The following APBA2 variants were observed in gnomAD, a reference collection of about 807,000 sequenced individuals.
APBA2 encodes amyloid-beta A4 precursor protein-binding family A member 2.
In APBA2, 30 loss-of-function variants were observed where a neutral mutation model predicts 75.0. The observed-to-expected ratio is 0.40, with a 90% CI of 0.30 to 0.54. The LOEUF is 0.54. Among genes scored for constraint, APBA2 ranks in the 20% least tolerant of loss-of-function variants. The probability of loss-of-function intolerance (pLI) is 0.49; values close to 1 mark genes in which losing one functional copy is unlikely to be tolerated. For missense variants in APBA2, 801 were observed against 1,016.1 expected, an observed-to-expected ratio of 0.79 and a Z score of 2.88; for synonymous variants, 444 against 409.6, an observed-to-expected ratio of 1.08 and a Z score of -1.01.
intron 2 of APBA2, among the ~76,000 whole-genome samples, chr15:28,976,416 G>A (rs2037341063): frequency 6.6e-6 from 1 of 152,184 alleles, no homozygotes; most frequent in Non-Finnish European, 1.5e-5. Flanking sequence ...ATTCCTTCTT[G>A]TAGGGCCATC....
At chr15:28,996,222 G>A (rs2038512777) in intron 3 of APBA2, among the ~76,000 whole-genome samples, 2 of 152,178 alleles carry the variant, frequency 1.3e-5, no homozygotes, top group Admixed American at 1.3e-4. Context: ...GGCAATAATA[G>A]GTAGCACTCG....
intron 2 of APBA2, among the ~76,000 whole-genome samples, chr15:28,939,108 G>A (rs2035041236): frequency 6.6e-6 from 1 of 152,178 alleles, no homozygotes; most frequent in Non-Finnish European, 1.5e-5. Flanking sequence ...GAATCGTGCA[G>A]TATTTGTTCT....
chr15:29,107,753 C>T (rs928855808), intron 12 of APBA2, among the ~76,000 whole-genome samples: 6 of 152,182 alleles, frequency 3.9e-5, no homozygotes, highest in Non-Finnish European at 5.9e-5. Context: ...CGGACCCCGG[C>T]GGCCTGGCGC....
intron 2 of APBA2, among the ~76,000 whole-genome samples, chr15:28,943,827 C>T (rs539527097): frequency 6.6e-6 from 1 of 152,326 alleles, no homozygotes; most frequent in East Asian, 1.9e-4. Context: ...ATTCCAGACC[C>T]AAAGGCCCAT....
intron 5 of APBA2, among the ~76,000 whole-genome samples, chr15:29,075,461 T>C (rs1196984278): frequency 1.3e-5 from 2 of 152,280 alleles, no homozygotes; most frequent in Middle Eastern, 6.8e-3. Context: ...TAGATCCTTG[T>C]ACCTACCCCA....
chr15:29,046,937 G>A lies in APBA2; in HGVS notation c.-40-6908G>A, dbSNP rs111256988. Among the ~76,000 whole-genome samples the A allele has an allele frequency of 9.0e-3, 1,365 of 152,304 alleles. 30 individuals carry two copies. The highest frequency in any genetic ancestry group is 0.031 in the African/African-American group (1,292 of 41,568). ...TTCACCTCATCAGGCATCTCTCCTGGACCATTTCATTGACATTTTCCTTAA... is the reference window on the plus strand; with the variant it reads ...TTCACCTCATCAGGCATCTCTCCTGAACCATTTCATTGACATTTTCCTTAA... On this transcript the variant is annotated intron_variant, in intron 3 of 14. Coordinates refer to ENST00000683413, the MANE Select transcript of APBA2 (RefSeq NM_001353788.2). The surrounding 1 kb of genome is among the most constrained non-coding windows in gnomAD (Gnocchi z 5.0).
intron 3 of APBA2, among the ~76,000 whole-genome samples, chr15:29,017,217 A>G (rs1464912773): frequency 1.3e-5 from 2 of 151,972 alleles, no homozygotes; most frequent in Admixed American, 1.3e-4. Context: ...ATGCACCCGG[A>G]GCTTGCTGCA....
At chr15:29,062,376 C>G (rs1031864742) in intron 4 of APBA2, among the ~76,000 whole-genome samples, 2 of 152,168 alleles carry the variant, frequency 1.3e-5, no homozygotes, top group Non-Finnish European at 2.9e-5. Flanking sequence ...GCACCTCCTG[C>G]TACTGATTCC....
chr15:28,909,388 T>C (rs1015901119), intron 1 of APBA2, among the ~76,000 whole-genome samples: 2 of 152,234 alleles, frequency 1.3e-5, no homozygotes, highest in Non-Finnish European at 2.9e-5. Flanking sequence ...CTGGCTTCTT[T>C]CACTTCGCGT....
intron 2 of APBA2, among the ~76,000 whole-genome samples, chr15:28,960,306 A>G (rs1214176779): frequency 6.6e-6 from 1 of 151,678 alleles, no homozygotes; most frequent in Non-Finnish European, 1.5e-5. Flanking sequence ...CACAAAAAAT[A>G]TATTAAAATT....
chr15:29,094,801 T>C (rs572722124), intron 8 of APBA2, among the ~76,000 whole-genome samples: 1 of 152,200 alleles, frequency 6.6e-6, no homozygotes, highest in Non-Finnish European at 1.5e-5. Context: ...GGCTCACACA[T>C]GTAATCCCAG....
Position 28,899,943 on chromosome 15 carries a change from G to A in APBA2, c.-205+13665G>A, listed in dbSNP as rs149911849. Among the ~76,000 whole-genome samples the A allele has an allele frequency of 2.0e-3, 312 of 152,342 alleles. 1 individual carries two copies. Among genetic ancestry groups the A allele is most frequent in the African/African-American group, 7.0e-3 (291 of 41,574 alleles). On this transcript the variant is annotated intron_variant, in intron 1 of 14. Coordinates refer to ENST00000683413, the MANE Select transcript of APBA2 (RefSeq NM_001353788.2). ...CCAAGATGCTTTGCGACACAGTGGT[G>A]TGAAGTGTGGGAGAGTGTGTCGGGA... is the stretch of plus-strand genomic sequence containing the variant.
intron 1 of APBA2, among the ~76,000 whole-genome samples, chr15:28,903,869 G>A (rs959816381): frequency 2.6e-5 from 4 of 152,144 alleles, no homozygotes; most frequent in African/African-American, 7.2e-5. Context: ...CCCTGGGCAA[G>A]TCACAGCCTC....
intron 3 of APBA2, among the ~76,000 whole-genome samples, chr15:29,039,101 GTGTGT>G (rs1566934684): frequency 2.0e-3 from 57 of 28,686 alleles, no homozygotes; most frequent in African/African-American, 8.0e-3. Flanking sequence ...ATGTCAGGGT[GTGTGT>G]GTGTGTGTGT....
At chr15:28,942,250 C>T (rs973228117) in intron 2 of APBA2, among the ~76,000 whole-genome samples, 20 of 152,132 alleles carry the variant, frequency 1.3e-4, no homozygotes, top group African/African-American at 3.6e-4. Context: ...CACTGTGGGC[C>T]GCGCTCCTTC....
At chr15:29,076,638 T>TCTCTGC (rs1437596967) in intron 6 of APBA2, among the ~76,000 whole-genome samples, 9 of 152,244 alleles carry the variant, frequency 5.9e-5, no homozygotes, top group South Asian at 2.1e-4. Context: ...AGGGCCCCTG[T>TCTCTGC]AGGAGATCCA....
In APBA2 at chr15:28,966,980, A is replaced by C. The variant is rs140853273; in HGVS notation, c.-94-28773A>C. Among the ~76,000 whole-genome samples, 471 of 152,334 alleles carry C rather than the reference A, an allele frequency of 3.1e-3. 2 individuals are homozygous for C. Among genetic ancestry groups the C allele is most frequent in the Non-Finnish European group, 4.6e-3 (310 of 68,032 alleles). On this transcript the variant is annotated intron_variant, in intron 2 of 14. Transcript: ENST00000683413. The stretch of plus-strand genomic sequence containing the variant: ...TCCACTGAGTACCTTATCGTATGAC[A>C]TAATAACTTTTGCTTCAACTTAAAG...
intron 8 of APBA2, among the ~76,000 whole-genome samples, chr15:29,097,525 G>A (rs974896717): frequency 5.3e-5 from 8 of 152,192 alleles, no homozygotes; most frequent in African/African-American, 1.9e-4. Flanking sequence ...GCCTTCCTTC[G>A]AGTTATTACT....
chr15:28,963,202 A>C (rs1351836226), intron 2 of APBA2, among the ~76,000 whole-genome samples: 2 of 152,184 alleles, frequency 1.3e-5, no homozygotes, highest in East Asian at 3.8e-4. Flanking sequence ...GTCTGGCCTG[A>C]TGTGGGACGT....
Sources: gnomAD v4.1 joint callset for allele counts (sites outside exome capture counted in the v4.1 genomes callset) on GRCh38, gnomAD v4.1.1 for gene constraint, Gnocchi (gnomAD v3.1) non-coding constraint, MANE v1.5 for transcripts, NCBI Gene and HGNC (gene_info 2026-07-23, HGNC 2026-07-21) for gene names.